PDE2A: variants seen among roughly 807,000 people sequenced by gnomAD.
PDE2A encodes the protein cGMP-dependent 3',5'-cyclic phosphodiesterase.
In PDE2A, 53 loss-of-function variants were observed where a neutral mutation model predicts 133.6. That is an observed-to-expected ratio of 0.40 (90% confidence interval 0.32 to 0.50). PDE2A has a LOEUF of 0.50. PDE2A is among the 20% of genes least tolerant of loss of function. The probability of loss-of-function intolerance (pLI) is 0.73; values close to 1 mark genes in which losing one functional copy is unlikely to be tolerated. For missense variants in PDE2A, 796 were observed against 1,232.4 expected (o/e 0.65, Z 5.30); for synonymous variants, 491 against 490.2 (o/e 1.00, Z -0.02).
At chr11:72,671,751 C>G (rs745991863) in intron 1 of PDE2A, among the ~76,000 whole-genome samples, 32 of 152,138 alleles carry the variant, frequency 2.1e-4, no homozygotes, top group Admixed American at 9.8e-4. Context: ...AGAGGTTGAG[C>G]CCCAGCCTTG....
Position 72,581,443 on chromosome 11 carries a change from G to A in PDE2A, c.1959C>T (p.Pro653=), listed in dbSNP as rs1050506197. 4 of 1,607,232 alleles carry A rather than the reference G, an allele frequency of 2.5e-6. No homozygotes were observed. Among genetic ancestry groups the A allele is most frequent in the Non-Finnish European group, 3.4e-6 (4 of 1,177,494 alleles). Residue 653 remains proline (P), a synonymous_variant, in exon 23 of 31, where the codon CCC becomes CCT. Transcript: ENST00000334456. ...CLMVKKGYRD[P]PYHNWMHAFS... is the part of the protein sequence containing the mutation. ...AGGCGTGCATCCAGTTGTGGTAGGG[G>A]GGATCCCGGTAGCCCTTCTTCACCA...
chr11:72,596,472 T>TCACA (rs1324745689), intron 6 of PDE2A, 121 bp downstream of exon 6: 63 of 218,942 alleles, frequency 2.9e-4, no homozygotes, highest in African/African-American at 2.2e-3. Context: ...TCTCTCTCTC[T>TCACA]CTCTCTCTCT....
At chr11:72,584,384 G>T in intron 18 of PDE2A, 71 bp from the exon 19 acceptor site, 1 of 1,266,914 alleles carries the variant, frequency 7.9e-7, no homozygotes, top group Non-Finnish European at 1.1e-6. Context: ...ATCCGGCCGG[G>T]ACCTGCCCTC....
intron 4 of PDE2A, among the ~76,000 whole-genome samples, chr11:72,599,672 G>A (rs1414656916): frequency 6.6e-6 from 1 of 152,222 alleles, no homozygotes; most frequent in Non-Finnish European, 1.5e-5. Flanking sequence ...CTCCATGGCA[G>A]AGCAAGAATA....
chr11:72,629,582 C>T (rs992413983), intron 2 of PDE2A, among the ~76,000 whole-genome samples: 5 of 152,230 alleles, frequency 3.3e-5, no homozygotes, highest in African/African-American at 1.2e-4. Context: ...CCTTTGCCAG[C>T]TCCCAGCAGC....
Position 72,577,493 on chromosome 11 carries a change from C to A in PDE2A, c.2717G>T (p.Gly906Val), listed in dbSNP as rs1855519058. 1 of 1,613,606 alleles carries A rather than the reference C, an allele frequency of 6.2e-7. No individual in the cohort carries two copies. Among genetic ancestry groups the A allele is most frequent in the Non-Finnish European group, 8.5e-7 (1 of 1,180,004 alleles). Residue 906 changes from glycine to valine, a missense_variant, in exon 31 of 31, where the codon GGC becomes GTC. Around this residue, in one of 7 missense-constraint regions of PDE2A, gnomAD observed 83 missense variants for 99.0 expected, o/e 0.84. Transcript: ENST00000334456. The stretch of plus-strand genomic sequence containing the variant: ...GTCCAGCGAGTTGTTACTTGGGAGG[C>A]CGCGGATGGTGAACTTGTGGGACAC... Reference protein sequence around the residue: ...TKVSHKFTIRGLPSNNSLDFL... With the variant: ...TKVSHKFTIRVLPSNNSLDFL...
At chr11:72,599,270 C>A (rs1856629224) in intron 4 of PDE2A, among the ~76,000 whole-genome samples, 2 of 152,090 alleles carry the variant, frequency 1.3e-5, no homozygotes, top group East Asian at 3.9e-4. Context: ...GCACAAAACC[C>A]CTCCTCTGTG....
chr11:72,588,632 A>G, intron 13 of PDE2A, 152 bp downstream of exon 13: 1 of 663,336 alleles, frequency 1.5e-6, no homozygotes, highest in Non-Finnish European at 2.5e-6. Flanking sequence ...CCTCAACATG[A>G]CTTTCATTCT....
intron 1 of PDE2A, among the ~76,000 whole-genome samples, chr11:72,658,414 G>A (rs938862310): frequency 6.6e-6 from 1 of 152,076 alleles, no homozygotes; most frequent in Non-Finnish European, 1.5e-5. Flanking sequence ...TCCTCAGCCT[G>A]GAGGAGAAAT....
chr11:72,619,783 C>T (rs146627857), intron 2 of PDE2A, among the ~76,000 whole-genome samples: 59 of 152,262 alleles, frequency 3.9e-4, no homozygotes, highest in African/African-American at 1.3e-3. Flanking sequence ...CTTCTCCCAT[C>T]GCCTCCCTCA....
intron 2 of PDE2A, among the ~76,000 whole-genome samples, chr11:72,626,457 C>T (rs1858074168): frequency 6.6e-6 from 1 of 152,214 alleles, no homozygotes; most frequent in Admixed American, 6.5e-5. Context: ...TTGTAGAGGC[C>T]ACTGGCTCCT....
chr11:72,622,586 A>C (rs1308847321), intron 2 of PDE2A, among the ~76,000 whole-genome samples: 1 of 152,216 alleles, frequency 6.6e-6, no homozygotes, highest in Non-Finnish European at 1.5e-5. Flanking sequence ...AAACTTAAAA[A>C]CCAGTCACAA....
chr11:72,591,465 C>T (rs1248892422), intron 6 of PDE2A, 109 bp from the exon 7 acceptor site: 1 of 787,110 alleles, frequency 1.3e-6, no homozygotes, highest in Non-Finnish European at 2.2e-6. Flanking sequence ...CACATACACA[C>T]TCCAGTCTGT....
At chr11:72,626,657 A>G (rs1233475607) in intron 2 of PDE2A, among the ~76,000 whole-genome samples, 2 of 152,066 alleles carry the variant, frequency 1.3e-5, no homozygotes, top group African/African-American at 4.8e-5. Context: ...CTCTCGCACA[A>G]GCTGCTCCTT....
At chr11:72,619,518 C>G (rs1857642637) in intron 2 of PDE2A, among the ~76,000 whole-genome samples, 1 of 152,200 alleles carries the variant, frequency 6.6e-6, no homozygotes, top group South Asian at 2.1e-4. Context: ...AGAGTGTAAA[C>G]ATGTGTGAGT....
rs186919347 is a variant in PDE2A, at chr11:72,593,910, A to G, written c.490-2554T>C. ...GTGTGATCCTATCCTTATTTTGCTC[A>G]CTTGTTTTGCAGTATTTTTGTTATT... On this transcript the variant is annotated intron_variant, in intron 6 of 30. Coordinates refer to ENST00000334456, the MANE Select transcript of PDE2A (RefSeq NM_002599.5). 6.6e-4 allele frequency among the ~76,000 whole-genome samples: 101 copies of G among 152,230 alleles called. 1 individual carries two copies. The highest frequency in any genetic ancestry group is 1.2e-4 in the Non-Finnish European group (8 of 68,020).
At chr11:72,585,918 A>T in intron 14 of PDE2A, 152 bp downstream of exon 14, 1 of 649,046 alleles carries the variant, frequency 1.5e-6, no homozygotes, top group South Asian at 1.8e-5. Context: ...GTCCTGAACA[A>T]CTGCAAGCCT....
At chr11:72,650,534 C>T (rs1204258315) in intron 1 of PDE2A, among the ~76,000 whole-genome samples, 1 of 152,130 alleles carries the variant, frequency 6.6e-6, no homozygotes, top group Non-Finnish European at 1.5e-5. Flanking sequence ...CCCCCGTGCC[C>T]CACCTCACCG....
At chr11:72,635,737 A>T (rs1180036440) in intron 2 of PDE2A, among the ~76,000 whole-genome samples, 1 of 152,250 alleles carries the variant, frequency 6.6e-6, no homozygotes, top group African/African-American at 2.4e-5. Flanking sequence ...CTTGTGCAAG[A>T]ATACCCGAGA....
Sources: gnomAD v4.1 joint callset for allele counts (sites outside exome capture counted in the v4.1 genomes callset) on GRCh38, gnomAD v4.1.1 for gene constraint, gnomAD v4.1.1 regional missense constraint, MANE v1.5 for transcripts, NCBI Gene and HGNC (gene_info 2026-07-23, HGNC 2026-07-21) for gene names.